The following LTBP1 variants were observed in gnomAD, a reference collection of about 807,000 sequenced individuals.
LTBP1 encodes the protein latent transforming growth factor beta binding protein 1, also known as latent-transforming growth factor beta-binding protein 1.
LTBP1 carries 129 observed loss-of-function variants against 207.6 expected under a neutral mutation model. The ratio of observed to expected loss-of-function variants is 0.62; its 90% CI spans 0.54 to 0.72. The LOEUF is 0.72. Ranked by LOEUF, LTBP1 falls within the 30% of genes least tolerant of loss-of-function variation. LTBP1 has a pLI of 0.00. For missense variants in LTBP1, 2,281 were observed against 2,217.2 expected (o/e 1.03, Z -0.58); for synonymous variants, 963 against 833.7 (o/e 1.16, Z -2.67).
intron 3 of LTBP1, among the ~76,000 whole-genome samples, chr2:33,108,378 A>C (rs1228764244): frequency 6.6e-6 from 1 of 152,148 alleles, no homozygotes; most frequent in Non-Finnish European, 1.5e-5. Flanking sequence ...CAGTGGTGGC[A>C]CTTAACTACT....
At chr2:33,095,044 T>G (rs534045539) in intron 3 of LTBP1, among the ~76,000 whole-genome samples, 1 of 152,346 alleles carries the variant, frequency 6.6e-6, no homozygotes, top group Admixed American at 6.5e-5. Flanking sequence ...TTTTGTAGTC[T>G]AATTACTTAA....
At chr2:32,978,551 A>G (rs1461733969) in intron 2 of LTBP1, among the ~76,000 whole-genome samples, 1 of 152,070 alleles carries the variant, frequency 6.6e-6, no homozygotes, top group Non-Finnish European at 1.5e-5. Flanking sequence ...GATAAGTCCC[A>G]CTTGGTCATG....
chr2:33,343,597 C>T (rs2094660660), intron 25 of LTBP1, among the ~76,000 whole-genome samples: 1 of 152,150 alleles, frequency 6.6e-6, no homozygotes, highest in South Asian at 2.1e-4. Flanking sequence ...GATTGTCTGT[C>T]TTTGAAATGC....
intron 2 of LTBP1, among the ~76,000 whole-genome samples, chr2:33,009,619 C>T (rs868022679): frequency 1.3e-5 from 2 of 152,324 alleles, no homozygotes; most frequent in African/African-American, 2.4e-5. Context: ...TTTCAGTCCT[C>T]AGGAGGAACC....
chr2:33,384,464 A>G lies in LTBP1; in HGVS notation c.4712-4720A>G, dbSNP rs75371255. Among the ~76,000 whole-genome samples the G allele has an allele frequency of 6.2e-3, 938 of 152,306 alleles. 8 individuals are homozygous for G. The highest frequency in any genetic ancestry group is 0.022 in the African/African-American group (895 of 41,568). On this transcript the variant is annotated intron_variant, in intron 31 of 33. Transcript: ENST00000404816. ...TCATTTCACATTGGTATTTGGCTAG[A>G]TTCCAGATGGACACATTGTATGGGG...
At chr2:33,227,867 T>C (rs1447482064) in intron 9 of LTBP1, among the ~76,000 whole-genome samples, 1 of 130,264 alleles carries the variant, frequency 7.7e-6, no homozygotes. Flanking sequence ...TGCAGTGGCA[T>C]AATCTTGGCT....
At chr2:33,266,679 T>C (rs2093187732) in intron 15 of LTBP1, among the ~76,000 whole-genome samples, 1 of 152,108 alleles carries the variant, frequency 6.6e-6, no homozygotes, top group African/African-American at 2.4e-5. Context: ...GAGAAGGAGC[T>C]ACCCACTTCG....
chr2:33,350,316 T>C (rs1270980828), intron 26 of LTBP1, among the ~76,000 whole-genome samples: 1 of 152,206 alleles, frequency 6.6e-6, no homozygotes, highest in Non-Finnish European at 1.5e-5. Flanking sequence ...GGTATCATAC[T>C]GAAGGCAGAA....
chr2:33,120,071 A>G (rs2081014033), intron 4 of LTBP1, among the ~76,000 whole-genome samples: 1 of 152,210 alleles, frequency 6.6e-6, no homozygotes, highest in Non-Finnish European at 1.5e-5. Context: ...TAGTTGCAGT[A>G]TGGTTATATT....
At chr2:32,967,935 A>G (rs541349213) in intron 2 of LTBP1, among the ~76,000 whole-genome samples, 62 of 152,240 alleles carry the variant, frequency 4.1e-4, no homozygotes, top group African/African-American at 1.4e-3. Context: ...TCCAACTTCA[A>G]TAGATGAATT....
At chr2:33,179,809 C>G (rs11898777) in intron 5 of LTBP1, among the ~76,000 whole-genome samples, 11,666 of 151,866 alleles carry the variant, frequency 0.077, 970 homozygotes, top group African/African-American at 0.21. Context: ...TCCTGTGATT[C>G]AGATCTGCCT....
At chr2:33,276,031 A>T in intron 18 of LTBP1, 108 bp downstream of exon 18, 1 of 1,357,696 alleles carries the variant, frequency 7.4e-7, no homozygotes, top group East Asian at 2.8e-5. Flanking sequence ...ACACCAGTTT[A>T]TCCAAGCTCT....
At chr2:33,221,462 G>A (rs182278428) in intron 8 of LTBP1, among the ~76,000 whole-genome samples, 2 of 152,310 alleles carry the variant, frequency 1.3e-5, no homozygotes, top group East Asian at 3.9e-4. Flanking sequence ...TTGTTGAGAA[G>A]TTGGTGATTG....
At chr2:33,248,153 C>T (rs540528980) in intron 10 of LTBP1, among the ~76,000 whole-genome samples, 24 of 152,348 alleles carry the variant, frequency 1.6e-4, no homozygotes, top group African/African-American at 5.3e-4. Flanking sequence ...TCTGTACAAG[C>T]TGCTTGCTCC....
chr2:33,217,481 G>A, intron 7 of LTBP1, 71 bp from the exon 8 acceptor site: 1 of 1,004,882 alleles, frequency 1.0e-6, no homozygotes, highest in African/African-American at 1.6e-5. Context: ...TGGCTGTGAG[G>A]GACAGCAGTG....
At chr2:32,994,801 A>G (rs1051272245) in intron 2 of LTBP1, among the ~76,000 whole-genome samples, 1 of 152,130 alleles carries the variant, frequency 6.6e-6, no homozygotes, top group Non-Finnish European at 1.5e-5. Context: ...GCGTATAAGA[A>G]TCTCTTGGGA....
intron 7 of LTBP1, among the ~76,000 whole-genome samples, chr2:33,193,883 G>A (rs1313840671): frequency 6.6e-6 from 1 of 152,164 alleles, no homozygotes; most frequent in Non-Finnish European, 1.5e-5. Context: ...CCTATTGGCT[G>A]AAACACAACA....
chr2:33,229,379 C>T (rs550620524), intron 9 of LTBP1, among the ~76,000 whole-genome samples: 1 of 152,162 alleles, frequency 6.6e-6, no homozygotes, highest in South Asian at 2.1e-4. Flanking sequence ...GAAGCTGAGG[C>T]AGAAGGGTTG....
intron 3 of LTBP1, among the ~76,000 whole-genome samples, chr2:33,069,070 G>A (rs2077654064): frequency 6.6e-6 from 1 of 152,212 alleles, no homozygotes; most frequent in Non-Finnish European, 1.5e-5. Context: ...TTTTGCTCCG[G>A]AAGTTAAGCT....
Sources: gnomAD v4.1 joint callset for allele counts (sites outside exome capture counted in the v4.1 genomes callset) on GRCh38, gnomAD v4.1.1 for gene constraint, MANE v1.5 for transcripts, NCBI Gene and HGNC (gene_info 2026-07-23, HGNC 2026-07-21) for gene names.